Variants in SLC7A2 observed in about 807,000 individuals in gnomAD.
The protein encoded by SLC7A2 is cationic amino acid transporter 2.
Under a neutral mutation model 58.9 loss-of-function variants are expected in SLC7A2, and 48 were observed. The observed-to-expected ratio is 0.82, with a 90% CI of 0.65 to 1.04. The LOEUF (loss-of-function observed/expected upper bound fraction) is 1.04. Ranked by LOEUF, SLC7A2 falls within the 50% of genes least tolerant of loss-of-function variation. The pLI is 0.00. For synonymous variants in SLC7A2, 363 were observed against 314.5 expected, an observed-to-expected ratio of 1.15 and a Z score of -1.63; for missense variants, 1,029 against 818.8, an observed-to-expected ratio of 1.26 and a Z score of -3.13.
rs189397710 is a variant in SLC7A2 at position 17,517,309 on chromosome 8, T to A, written c.-23+15007T>A. The stretch of plus-strand genomic sequence containing the variant: ...CAAAATGAAACCACAAAAGATGTGA[T>A]TTGTAGGGCCAGAAGACTTTGCTTG... On this transcript the variant is annotated intron_variant, in intron 2 of 12. Transcript: ENST00000494857. 2.1e-3 allele frequency among the ~76,000 whole-genome samples: 321 copies of A among 152,250 alleles called. 7 individuals carry two copies. Among genetic ancestry groups the A allele is most frequent in the Admixed American group, 0.018 (268 of 15,288 alleles).
chr8:17,545,326 G>T (rs1237068650), intron 4 of SLC7A2, among the ~76,000 whole-genome samples: 3 of 151,656 alleles, frequency 2.0e-5, no homozygotes, highest in Non-Finnish European at 4.4e-5. Context: ...CACTCACGTG[G>T]TGGCTGATTT....
At chr8:17,521,699 C>T (rs533662916) in intron 2 of SLC7A2, among the ~76,000 whole-genome samples, 14 of 152,318 alleles carry the variant, frequency 9.2e-5, no homozygotes, top group African/African-American at 2.2e-4. Context: ...TGGGGTGCTG[C>T]GGTATGCTTG....
At chr8:17,508,498 C>G (rs1333177563) in intron 2 of SLC7A2, among the ~76,000 whole-genome samples, 3 of 152,070 alleles carry the variant, frequency 2.0e-5, no homozygotes, top group African/African-American at 7.2e-5. Flanking sequence ...CCAAGGCAGG[C>G]AGATCACCTG....
rs1029420857 is a variant in SLC7A2, at chr8:17,568,177, A to G, written c.*3031A>G. ...AGCTTAAATTACTTTTCTTTTCTAC[A>G]TTAAGAAATATATTCTCAACATTTT... On this transcript the variant is annotated 3_prime_UTR_variant, in exon 13 of 13. Coordinates refer to ENST00000494857, the MANE Select transcript of SLC7A2 (RefSeq NM_001370338.1). 1.3e-5 allele frequency: 2 copies of G among 152,140 alleles called. No individual in the cohort carries two copies. The highest frequency in any genetic ancestry group is 2.4e-5 in the African/African-American group (1 of 41,434). 9.4% of individuals were successfully genotyped at this position (152,140 alleles called of 1,614,324 possible).
chr8:17,513,324 GT>G (rs36024398), intron 2 of SLC7A2, among the ~76,000 whole-genome samples: 23 of 151,638 alleles, frequency 1.5e-4, no homozygotes, highest in African/African-American at 4.4e-4. Context: ...TATTTTCTGG[GT>G]TTTTTTTCTT....
intron 2 of SLC7A2, among the ~76,000 whole-genome samples, chr8:17,519,152 C>G (rs1014204397): frequency 6.6e-6 from 1 of 152,170 alleles, no homozygotes; most frequent in Non-Finnish European, 1.5e-5. Context: ...TTGTAACAAG[C>G]AGCTAGTACT....
intron 2 of SLC7A2, among the ~76,000 whole-genome samples, chr8:17,533,624 C>A (rs537169912): frequency 1.2e-4 from 19 of 152,324 alleles, no homozygotes; most frequent in African/African-American, 4.3e-4. Context: ...TAAAGTATTT[C>A]TCAGCTCTTC....
intron 2 of SLC7A2, among the ~76,000 whole-genome samples, chr8:17,507,079 G>A (rs769888574): frequency 6.6e-6 from 1 of 151,884 alleles, no homozygotes; most frequent in South Asian, 2.1e-4. Context: ...CAGGTAGCTG[G>A]GACCATAGGC....
At chr8:17,495,958 C>A (rs1198673096), upstream of SLC7A2, among the ~76,000 whole-genome samples, 1 of 152,172 alleles carries the variant, frequency 6.6e-6, no homozygotes, top group East Asian at 1.9e-4. Context: ...ATTAGATGAT[C>A]TTGGGGATAT....
chr8:17,497,330 C>T (rs1258070787), intron 1 of SLC7A2, 93 bp downstream of exon 1: 1 of 151,332 alleles, frequency 6.6e-6, no homozygotes, highest in Non-Finnish European at 1.5e-5. Flanking sequence ...GGCGAGGGCG[C>T]CCTGGGGCCG....
chr8:17,500,895 G>A (rs534635481), intron 1 of SLC7A2, among the ~76,000 whole-genome samples: 19 of 151,894 alleles, frequency 1.3e-4, no homozygotes, highest in African/African-American at 4.6e-4. Flanking sequence ...ATTAGTTAAG[G>A]TAATCACAGC....
At chr8:17,549,343 C>G (rs918524973) in intron 5 of SLC7A2, among the ~76,000 whole-genome samples, 1 of 152,176 alleles carries the variant, frequency 6.6e-6, no homozygotes, top group Non-Finnish European at 1.5e-5. Flanking sequence ...CTGTTCCATT[C>G]CAAGACCCCT....
rs761780127 is a variant in SLC7A2 at position 17,563,726 on chromosome 8, G to A, written c.1780+15G>A. The A allele has an allele frequency of 2.1e-6, 3 of 1,429,494 alleles. No homozygotes were observed. The highest frequency in any genetic ancestry group is 1.2e-5 in the South Asian group (1 of 86,780). 88.6% of individuals were successfully genotyped at this position (1,429,494 alleles called of 1,614,324 possible). A position where few individuals can be genotyped will look rare whatever the true frequency, so the allele number is the denominator to read the frequency against. On this transcript the variant is annotated intron_variant, in intron 12 of 12. Transcript: ENST00000494857. ...GATGGCAATTGGTAGGTCTTTTAAT[G>A]TCGGGTTCTCTTTCCTATTTCATGT...
At chr8:17,561,603 A>G (rs541252475) in intron 10 of SLC7A2, among the ~76,000 whole-genome samples, 54 of 152,106 alleles carry the variant, frequency 3.6e-4, no homozygotes, top group African/African-American at 9.9e-4. Flanking sequence ...TTCCCATTTG[A>G]AAAAAGGGAA....
At chr8:17,561,855 C>T in intron 10 of SLC7A2, 89 bp from the exon 11 acceptor site, 3 of 1,241,408 alleles carry the variant, frequency 2.4e-6, no homozygotes, top group Non-Finnish European at 3.4e-6. Flanking sequence ...GTACAGAAGT[C>T]AGTGTTTTAT....
intron 2 of SLC7A2, among the ~76,000 whole-genome samples, chr8:17,514,635 G>C (rs1800729917): frequency 1.3e-5 from 2 of 152,166 alleles, no homozygotes; most frequent in African/African-American, 2.4e-5. Context: ...GAAGGTCCTT[G>C]CCTTGCTTCT....
chr8:17,563,423 GAGCTTTAGTAAATACTCTAA>G (rs1563486962), intron 11 of SLC7A2, among the ~76,000 whole-genome samples, 160 bp from the exon 12 acceptor site: 44 of 152,254 alleles, frequency 2.9e-4, no homozygotes, highest in African/African-American at 9.6e-4. Context: ...CTGGTGCCTT[GAGCTTTAGTAAATACTCTAA>G]GATGTGATTC....
chr8:17,511,101 G>A (rs1424851476), intron 2 of SLC7A2: 1 of 151,530 alleles, frequency 6.6e-6, no homozygotes, highest in Non-Finnish European at 1.5e-5. Flanking sequence ...GGCCGGTTGA[G>A]GAGTTGGGGG....
At chr8:17,557,077 A>G (rs1802742073) in intron 8 of SLC7A2, among the ~76,000 whole-genome samples, 1 of 152,148 alleles carries the variant, frequency 6.6e-6, no homozygotes, top group Non-Finnish European at 1.5e-5. Flanking sequence ...AACCACTCAC[A>G]ATTGCTGAGT....
Sources: allele counts gnomAD v4.1 joint callset (sites outside exome capture counted in the v4.1 genomes callset), GRCh38; gene constraint gnomAD v4.1.1; transcripts MANE v1.5; gene names NCBI Gene and HGNC (gene_info 2026-07-23, HGNC 2026-07-21).